Variants in PNLIPRP3 observed in about 807,000 individuals in gnomAD.
PNLIPRP3 encodes pancreatic lipase related protein 3.
PNLIPRP3 carries 58 observed loss-of-function variants against 52.8 expected under a neutral mutation model. The ratio of observed to expected loss-of-function variants is 1.10; its 90% CI spans 0.89 to 1.37. The LOEUF is 1.37. PNLIPRP3 is among the 40% of genes most tolerant of loss of function. The pLI is 0.00. For missense variants in PNLIPRP3, 593 were observed against 561.6 expected (o/e 1.06, Z -0.57); for synonymous variants, 192 against 185.0 (o/e 1.04, Z -0.31).
At chr10:116,475,230 T>A (rs1216665735) in intron 10 of PNLIPRP3, among the ~76,000 whole-genome samples, 1 of 152,032 alleles carries the variant, frequency 6.6e-6, no homozygotes, top group Non-Finnish European at 1.5e-5. Context: ...GGGAGCTAAA[T>A]GATGAGAACA....
At chr10:116,443,385 C>T (rs1333292550) in intron 3 of PNLIPRP3, among the ~76,000 whole-genome samples, 1 of 151,896 alleles carries the variant, frequency 6.6e-6, no homozygotes, top group Non-Finnish European at 1.5e-5. Flanking sequence ...TTTGTATAAT[C>T]ACTCTTGAAT....
intron 4 of PNLIPRP3, among the ~76,000 whole-genome samples, chr10:116,453,617 ATGAG>A (rs1227437655): frequency 6.6e-6 from 1 of 151,988 alleles, no homozygotes; most frequent in Non-Finnish European, 1.5e-5. Context: ...CCCCTTGGTG[ATGAG>A]TGAGTACTTG....
chr10:116,459,228 C>T (rs1846156709), intron 5 of PNLIPRP3, among the ~76,000 whole-genome samples: 1 of 151,476 alleles, frequency 6.6e-6, no homozygotes, highest in South Asian at 2.1e-4. Context: ...CCACTCTTCT[C>T]TCCTGTTGCT....
chr10:116,476,723 G>A lies in PNLIPRP3; in HGVS notation c.1244G>A (p.Ser415Asn). 6.2e-7 allele frequency: 1 copy of A among 1,609,346 alleles called. No homozygotes were observed. Among genetic ancestry groups the A allele is most frequent in the Non-Finnish European group, 8.5e-7 (1 of 1,177,830 alleles). Reference protein sequence around the residue: ...DADVNVGNITSVQFIWKKHLF... With the variant: ...DADVNVGNITNVQFIWKKHLF... ...GATGTTAACGTTGGAAACATTACAA[G>A]TGTTCAGTTCATCTGGAAAAAACAT... Residue 415 changes from serine to asparagine, a missense_variant, in exon 11 of 12, where the codon AGT becomes AAT. By Grantham distance (46) the Ser-to-Asn change is conservative. Coordinates refer to ENST00000369230, the MANE Select transcript of PNLIPRP3 (RefSeq NM_001011709.3).
intron 2 of PNLIPRP3, chr10:116,439,323 GACT>G: frequency 2.6e-6 from 1 of 380,406 alleles, no homozygotes; most frequent in Non-Finnish European, 4.9e-6. Context: ...CACTTTGAGA[GACT>G]ACAATATGAT....
At position 116,461,237 on chromosome 10, in the gene PNLIPRP3, G is replaced by A. The variant is rs201998457; in HGVS notation, c.755G>A (p.Cys252Tyr). The A allele has an allele frequency of 9.9e-6, 16 of 1,613,586 alleles. No individual in the cohort carries two copies. The highest frequency in any genetic ancestry group is 1.4e-5 in the Non-Finnish European group (16 of 1,179,616). The change falls in exon 7 of 12, where the codon TGT becomes TAT. Residue 252 changes from cysteine to tyrosine, a missense_variant. Transcript: ENST00000369230. ...YPNGGKHMPGCEDLITPLLKF... is the reference protein window; with the variant it reads ...YPNGGKHMPGYEDLITPLLKF... The stretch of plus-strand genomic sequence containing the variant: ...AATGGAGGGAAGCACATGCCAGGAT[G>A]TGAAGACTTAATTACACCTTTACTG...
chr10:116,461,475 A>G (rs1846192032), intron 7 of PNLIPRP3, among the ~76,000 whole-genome samples, 185 bp downstream of exon 7: 1 of 152,170 alleles, frequency 6.6e-6, no homozygotes, highest in Non-Finnish European at 1.5e-5. Context: ...TGTCTTCATT[A>G]ACTTTGTATC....
At chr10:116,435,971 G>A (rs1033645267) in intron 1 of PNLIPRP3, among the ~76,000 whole-genome samples, 2 of 152,210 alleles carry the variant, frequency 1.3e-5, no homozygotes, top group Admixed American at 1.3e-4. Context: ...AATCAAGACA[G>A]TGTGATACTG....
At chr10:116,471,902 G>T (rs1291429250) in intron 10 of PNLIPRP3, 23 bp downstream of exon 10, 1 of 1,429,352 alleles carries the variant, frequency 7.0e-7, no homozygotes, top group Middle Eastern at 1.7e-4. Flanking sequence ...AGAAACTGAC[G>T]CTTTGCACAG....
intron 1 of PNLIPRP3, among the ~76,000 whole-genome samples, chr10:116,430,559 A>C (rs1188481124): frequency 6.6e-6 from 1 of 152,150 alleles, no homozygotes; most frequent in Non-Finnish European, 1.5e-5. Context: ...AACAGGAGAG[A>C]AGTTCAAGGA....
intron 3 of PNLIPRP3, among the ~76,000 whole-genome samples, chr10:116,443,943 A>G (rs1014378966): frequency 2.6e-5 from 4 of 151,152 alleles, no homozygotes; most frequent in Non-Finnish European, 5.9e-5. Context: ...ATACTGCTAT[A>G]AAGAACTGCC....
At chr10:116,457,537 G>T (rs1257630363) in intron 5 of PNLIPRP3, among the ~76,000 whole-genome samples, 6 of 151,976 alleles carry the variant, frequency 3.9e-5, no homozygotes, top group Non-Finnish European at 7.4e-5. Flanking sequence ...CTAACTCTCT[G>T]CTCCTAAATC....
rs140569840 is a variant in PNLIPRP3 at position 116,449,526 on chromosome 10, A to T, written c.456+5013A>T. ...TATATAATGATAAAAGAATCAATTC[A>T]CCAGGAAGATATAATAATTATAAAT... On this transcript the variant is annotated intron_variant, in intron 4 of 11. Transcript: ENST00000369230. Among the ~76,000 whole-genome samples the T allele has an allele frequency of 1.9e-4, 29 of 152,358 alleles. No homozygotes were observed. The East Asian group carries it at 5.0e-3, about 26-fold the overall frequency.
At chr10:116,443,802 C>CATAT (rs1200044232) in intron 3 of PNLIPRP3, among the ~76,000 whole-genome samples, 166 of 13,062 alleles carry the variant, frequency 0.013, 3 homozygotes, top group African/African-American at 0.018. Context: ...TGTGTGTGTG[C>CATAT]ATATATATAT....
At position 116,477,888 on chromosome 10, in the gene PNLIPRP3, GGCAGCATTTCA is replaced by G. The variant is rs1464821161; in HGVS notation, c.*736_*746del. The G allele has an allele frequency of 6.6e-6, 1 of 152,104 alleles. No individual in the cohort carries two copies. Among genetic ancestry groups the G allele is most frequent in the East Asian group, 1.9e-4 (1 of 5,184 alleles). The allele number at this position is 152,104 out of a possible 1,614,324, so 9.4% of individuals were successfully genotyped here. On this transcript the variant is annotated 3_prime_UTR_variant, in exon 12 of 12. Coordinates refer to ENST00000369230, the MANE Select transcript of PNLIPRP3 (RefSeq NM_001011709.3). ...ATGGTGAATTTGTATTTAGCCTCAA[GGCAGCATTTCA>G]TTTGTAAAGCACTTGGGTAACCCTT...
At chr10:116,443,000 C>T (rs1227418755) in intron 2 of PNLIPRP3, 55 bp from the exon 3 acceptor site, 3 of 1,368,594 alleles carry the variant, frequency 2.2e-6, no homozygotes, top group Non-Finnish European at 2.0e-6. Flanking sequence ...GGTCTACTAA[C>T]TATTAAATAA....
intron 4 of PNLIPRP3, among the ~76,000 whole-genome samples, chr10:116,451,293 A>G (rs957067285): frequency 7.9e-5 from 12 of 152,264 alleles, no homozygotes; most frequent in Non-Finnish European, 1.3e-4. Context: ...GAAATAGATT[A>G]TAGACAAACA....
intron 4 of PNLIPRP3, among the ~76,000 whole-genome samples, chr10:116,450,700 C>G (rs936288604): frequency 6.6e-6 from 1 of 151,890 alleles, no homozygotes; most frequent in Non-Finnish European, 1.5e-5. Context: ...TTAAGATAAC[C>G]TAGAAGAAAT....
chr10:116,467,725 C>T (rs1454486610), intron 8 of PNLIPRP3, among the ~76,000 whole-genome samples: 1 of 152,042 alleles, frequency 6.6e-6, no homozygotes, highest in African/African-American at 2.4e-5. Context: ...TTGAAATTTA[C>T]ATTGATGTAG....
Sources: allele counts gnomAD v4.1 joint callset (sites outside exome capture counted in the v4.1 genomes callset), GRCh38; gene constraint gnomAD v4.1.1; transcripts MANE v1.5; gene names NCBI Gene and HGNC (gene_info 2026-07-23, HGNC 2026-07-21).